RABGAP1: variants seen among roughly 807,000 people sequenced by gnomAD.
The protein encoded by RABGAP1 is rab GTPase-activating protein 1.
In RABGAP1, 23 loss-of-function variants were observed where a neutral mutation model predicts 137.6. The ratio of observed to expected loss-of-function variants is 0.17; its 90% CI spans 0.12 to 0.24. RABGAP1 has a LOEUF of 0.24. Ranked by LOEUF, RABGAP1 falls within the 10% of genes least tolerant of loss-of-function variation. The probability of loss-of-function intolerance (pLI) is 1.00; values close to 1 mark genes in which losing one functional copy is unlikely to be tolerated. For synonymous variants in RABGAP1, 451 were observed against 450.7 expected, an observed-to-expected ratio of 1.00 and a Z score of -0.01; for missense variants, 906 against 1,275.8, an observed-to-expected ratio of 0.71 and a Z score of 4.42.
At chr9:123,074,053 T>C (rs2034440032) in intron 16 of RABGAP1, among the ~76,000 whole-genome samples, 1 of 152,222 alleles carries the variant, frequency 6.6e-6, no homozygotes, top group Non-Finnish European at 1.5e-5. Flanking sequence ...GCTTTCCAAA[T>C]ACTTGTCACC....
rs776787999 is a variant in RABGAP1 at position 122,984,729 on chromosome 9, G to A, written c.385+10G>A. On this transcript the variant is annotated intron_variant, in intron 3 of 25. Coordinates refer to ENST00000373647, the MANE Select transcript of RABGAP1 (RefSeq NM_012197.4). Reference sequence around the variant, plus strand: ...AAACCTGGACAAGGAGGTTAGGATTGCTGCATTGCTTGCGTAACTGAAGGT... The same window carrying A: ...AAACCTGGACAAGGAGGTTAGGATTACTGCATTGCTTGCGTAACTGAAGGT... 1.9e-6 allele frequency: 3 copies of A among 1,608,012 alleles called. No individual in the cohort carries two copies. The highest frequency in any genetic ancestry group is 2.6e-6 in the Non-Finnish European group (3 of 1,174,896).
intron 12 of RABGAP1, among the ~76,000 whole-genome samples, chr9:123,019,506 GT>G (rs2031472115): frequency 6.6e-6 from 1 of 151,956 alleles, no homozygotes; most frequent in African/African-American, 2.4e-5. Context: ...TAGACACGGG[GT>G]TCTTGCTATA....
chr9:123,042,734 A>G (rs1043217581), intron 13 of RABGAP1, among the ~76,000 whole-genome samples: 1 of 152,332 alleles, frequency 6.6e-6, no homozygotes, highest in East Asian at 1.9e-4. Context: ...GAATCTTCAG[A>G]AACAGAATAG....
chr9:122,966,740 A>G (rs1346076758), intron 2 of RABGAP1, among the ~76,000 whole-genome samples: 1 of 152,176 alleles, frequency 6.6e-6, no homozygotes, highest in Non-Finnish European at 1.5e-5. Context: ...ACTGCTGATA[A>G]AGACGCACCT....
intron 13 of RABGAP1, among the ~76,000 whole-genome samples, chr9:123,032,877 T>TA (rs1402353600): frequency 6.6e-5 from 10 of 152,220 alleles, no homozygotes; most frequent in African/African-American, 2.2e-4. Flanking sequence ...GGCTTATTTG[T>TA]ACCATGAAAC....
At chr9:123,099,812 C>T (rs894524576) in intron 24 of RABGAP1, among the ~76,000 whole-genome samples, 2 of 152,128 alleles carry the variant, frequency 1.3e-5, no homozygotes, top group Non-Finnish European at 2.9e-5. Flanking sequence ...GTAAGGCAGT[C>T]GATGTCCGCA....
intron 13 of RABGAP1, among the ~76,000 whole-genome samples, chr9:123,038,301 CTT>C (rs2032775908): frequency 6.6e-6 from 1 of 152,000 alleles, no homozygotes; most frequent in Non-Finnish European, 1.5e-5. Flanking sequence ...CTTTTCAAGC[CTT>C]TTATAATGGC....
At chr9:123,027,099 C>CT (rs1166657492) in intron 13 of RABGAP1, among the ~76,000 whole-genome samples, 1 of 141,788 alleles carries the variant, frequency 7.1e-6, no homozygotes, top group Non-Finnish European at 1.5e-5. Context: ...ACATTTCTTT[C>CT]TTTCTTTTCT....
At chr9:123,092,571 C>A (rs540640033) in intron 21 of RABGAP1, among the ~76,000 whole-genome samples, 1 of 150,790 alleles carries the variant, frequency 6.6e-6, no homozygotes, top group East Asian at 1.9e-4. Context: ...TTTTTTTTTA[C>A]AGTGCCAGCC....
chr9:122,938,826 T>C (rs1302425820), upstream of RABGAP1: 8 of 152,226 alleles, frequency 5.3e-5, no homozygotes, highest in Admixed American at 5.2e-4. Context: ...AACTTTCTTG[T>C]TCAAGAAATA....
intron 2 of RABGAP1, among the ~76,000 whole-genome samples, chr9:122,982,443 T>G (rs540869519): frequency 9.2e-5 from 14 of 152,234 alleles, no homozygotes; most frequent in African/African-American, 3.4e-4. Context: ...GGTTTACTTA[T>G]GTGCCAAAGA....
intron 2 of RABGAP1, among the ~76,000 whole-genome samples, chr9:122,963,725 A>G (rs1258629449): frequency 6.6e-6 from 1 of 150,470 alleles, no homozygotes; most frequent in Non-Finnish European, 1.5e-5. Context: ...AGAAAGGTAC[A>G]TTAAACCTAA....
At chr9:123,029,374 T>A in intron 13 of RABGAP1, 1 of 1,078,746 alleles carries the variant, frequency 9.3e-7, no homozygotes, top group Non-Finnish European at 1.4e-6. Flanking sequence ...TGCTTGGACC[T>A]GTTCATGCAT....
intron 12 of RABGAP1, among the ~76,000 whole-genome samples, chr9:123,016,781 G>A (rs1796906129): frequency 6.6e-6 from 1 of 152,160 alleles, no homozygotes; most frequent in Non-Finnish European, 1.5e-5. Flanking sequence ...CATTTTAACT[G>A]TTGAAGTATT....
intron 1 of RABGAP1, among the ~76,000 whole-genome samples, chr9:122,950,855 A>G (rs1216100245): frequency 2.0e-5 from 3 of 152,342 alleles, no homozygotes; most frequent in East Asian, 3.9e-4. Flanking sequence ...AAGGACGATG[A>G]TGTGATTTTA....
chr9:123,088,225 A>AT (rs1477522807), intron 19 of RABGAP1, among the ~76,000 whole-genome samples: 1 of 151,422 alleles, frequency 6.6e-6, no homozygotes, highest in Non-Finnish European at 1.5e-5. Context: ...CAATTTTTAT[A>AT]TTTTTTTGTA....
intron 2 of RABGAP1, among the ~76,000 whole-genome samples, chr9:122,958,962 T>A (rs1189306780): frequency 6.6e-6 from 1 of 152,058 alleles, no homozygotes; most frequent in Non-Finnish European, 1.5e-5. Context: ...TGAACCATGA[T>A]CACACCACTG....
intron 25 of RABGAP1, 100 bp from the exon 26 acceptor site, chr9:123,102,991 C>T: frequency 6.9e-7 from 1 of 1,443,266 alleles, no homozygotes. Context: ...CGAGGCCTCT[C>T]CAGAGTAAAT....
intron 2 of RABGAP1, among the ~76,000 whole-genome samples, chr9:122,973,446 C>T (rs1473252575): frequency 1.3e-5 from 2 of 151,958 alleles, no homozygotes; most frequent in East Asian, 3.9e-4. Context: ...CCGTGTTAGC[C>T]AGGATGGTCT....
Sources: gnomAD v4.1 joint callset for allele counts (sites outside exome capture counted in the v4.1 genomes callset) on GRCh38, gnomAD v4.1.1 for gene constraint, MANE v1.5 for transcripts, NCBI Gene and HGNC (gene_info 2026-07-23, HGNC 2026-07-21) for gene names.